The following CNGB1 variants were observed in gnomAD, a reference collection of about 807,000 sequenced individuals.
CNGB1 encodes cyclic nucleotide-gated channel beta-1.
A neutral mutation model predicts 151.7 loss-of-function variants in CNGB1; 126 were observed. The ratio of observed to expected loss-of-function variants is 0.83; its 90% CI spans 0.72 to 0.96. The LOEUF (loss-of-function observed/expected upper bound fraction) is 0.96, where lower values mean the gene tolerates loss of function less well. CNGB1 is among the 40% of genes least tolerant of loss of function. The pLI, the probability that CNGB1 is intolerant of heterozygous loss-of-function variation, is 0.00. For synonymous variants in CNGB1, 623 were observed against 635.1 expected, an observed-to-expected ratio of 0.98 and a Z score of 0.29; for missense variants, 1,698 against 1,627.0, an observed-to-expected ratio of 1.04 and a Z score of -0.75.
intron 25 of CNGB1, among the ~76,000 whole-genome samples, chr16:57,910,452 A>G (rs2149361388): frequency 6.6e-6 from 1 of 152,206 alleles, no homozygotes; most frequent in South Asian, 2.1e-4. Flanking sequence ...TCATCTCACC[A>G]CAACCTCCAC....
chr16:57,925,709 A>T (rs1961164545), intron 17 of CNGB1, among the ~76,000 whole-genome samples: 1 of 151,090 alleles, frequency 6.6e-6, no homozygotes, highest in African/African-American at 2.4e-5. Flanking sequence ...TTTTTTTGAG[A>T]TGGAGTCTCG....
At chr16:57,968,359 T>C (rs1461991933) in intron 1 of CNGB1, among the ~76,000 whole-genome samples, 1 of 152,176 alleles carries the variant, frequency 6.6e-6, no homozygotes, top group African/African-American at 2.4e-5. Context: ...TAGCTGGGCA[T>C]GGTTGCAGGC....
In CNGB1 at chr16:57,940,171, C is replaced by A. The variant is rs977984855; in HGVS notation, c.1209+63G>T. On this transcript the variant is annotated intron_variant, in intron 15 of 32. Coordinates refer to ENST00000251102, the MANE Select transcript of CNGB1 (RefSeq NM_001297.5). ...CCCCTGTAAGCAAAGTGGACAAGGTCCCCATCCTTCCACCAATGCCAAGCC... is the reference window on the plus strand; with the variant it reads ...CCCCTGTAAGCAAAGTGGACAAGGTACCCATCCTTCCACCAATGCCAAGCC... The A allele has an allele frequency of 4.8e-6, 7 of 1,452,228 alleles. No individual in the cohort carries two copies. The South Asian group carries it at 4.9e-5, about 10-fold the overall frequency. The allele number at this position is 1,452,228 out of a possible 1,614,324, so 90.0% of individuals were successfully genotyped here. A position where few individuals can be genotyped will look rare whatever the true frequency, so the allele number is the denominator to read the frequency against.
chr16:57,952,741 T>G (rs2149382803), intron 12 of CNGB1, among the ~76,000 whole-genome samples: 1 of 152,136 alleles, frequency 6.6e-6, no homozygotes, highest in Admixed American at 6.5e-5. Flanking sequence ...CCTCAGGCAA[T>G]CCACCCACCT....
intron 14 of CNGB1, among the ~76,000 whole-genome samples, chr16:57,941,009 G>T (rs561409043): frequency 5.9e-5 from 9 of 152,238 alleles, no homozygotes; most frequent in Admixed American, 3.3e-4. Context: ...ACCCCACTCC[G>T]CTGGAAAAGG....
chr16:57,956,079 C>G (rs1440879400), intron 12 of CNGB1, among the ~76,000 whole-genome samples: 1 of 152,212 alleles, frequency 6.6e-6, no homozygotes, highest in Non-Finnish European at 1.5e-5. Flanking sequence ...GAGGCCCTGG[C>G]CACAGCTGGC....
intron 14 of CNGB1, among the ~76,000 whole-genome samples, chr16:57,941,906 C>A (rs1961678146): frequency 6.6e-6 from 1 of 151,960 alleles, no homozygotes; most frequent in South Asian, 2.1e-4. Context: ...GGCTGGAGTA[C>A]AATGGCATGA....
chr16:57,935,059 A>T (rs1961470939), intron 16 of CNGB1, among the ~76,000 whole-genome samples: 1 of 151,930 alleles, frequency 6.6e-6, no homozygotes, highest in Non-Finnish European at 1.5e-5. Context: ...AAAAAAAAAA[A>T]AAAGTTACAC....
chr16:57,939,384 C>A, intron 16 of CNGB1, 46 bp downstream of exon 16: 2 of 1,613,126 alleles, frequency 1.2e-6, no homozygotes, highest in African/African-American at 1.3e-5. Flanking sequence ...CCTAAAAGGA[C>A]CTCAGACATT....
In CNGB1 at chr16:57,943,123, A is replaced by G. The variant is rs147320190; in HGVS notation, c.1122-2802T>C. On this transcript the variant is annotated intron_variant, in intron 14 of 32. Coordinates refer to ENST00000251102, the MANE Select transcript of CNGB1 (RefSeq NM_001297.5). The stretch of plus-strand genomic sequence containing the variant: ...AACACCCTACAGAACGGGAGAAAAT[A>G]CTTGCAAACCGTAAGTCAAATAAGG... Among the ~76,000 whole-genome samples, 366 of 152,288 alleles carry G rather than the reference A, an allele frequency of 2.4e-3. 1 individual carries two copies. The highest frequency in any genetic ancestry group is 8.3e-3 in the African/African-American group (345 of 41,556).
intron 2 of CNGB1, among the ~76,000 whole-genome samples, chr16:57,965,655 T>C (rs150534088): frequency 1.6e-5 from 1 of 61,708 alleles, no homozygotes; most frequent in South Asian, 4.9e-4. Flanking sequence ...AATATGTGTA[T>C]ATACACATTC....
chr16:57,947,141 G>A (rs1311378397), intron 14 of CNGB1, among the ~76,000 whole-genome samples: 2 of 152,124 alleles, frequency 1.3e-5, no homozygotes, highest in Admixed American at 6.5e-5. Flanking sequence ...GTGTGCTGGT[G>A]CATATGGGTA....
chr16:57,970,353 C>T (rs979869588), intron 1 of CNGB1, among the ~76,000 whole-genome samples: 3 of 152,142 alleles, frequency 2.0e-5, no homozygotes, highest in African/African-American at 7.2e-5. Context: ...TACTCATCCT[C>T]GCTCTCACCA....
At chr16:57,904,973 C>T in intron 25 of CNGB1, 98 bp from the exon 26 acceptor site, 8 of 1,478,018 alleles carry the variant, frequency 5.4e-6, no homozygotes, top group Non-Finnish European at 7.5e-6. Context: ...GCATGTTGTG[C>T]AAAAGACAGA....
chr16:57,898,806 C>T (rs535856974), intron 29 of CNGB1, among the ~76,000 whole-genome samples: 5 of 152,308 alleles, frequency 3.3e-5, no homozygotes, highest in Admixed American at 6.5e-5. Flanking sequence ...TGAACCCAGA[C>T]AGTCTGGTTC....
intron 7 of CNGB1, 72 bp downstream of exon 7, chr16:57,962,493 T>C: frequency 7.2e-7 from 1 of 1,379,966 alleles, no homozygotes; most frequent in Non-Finnish European, 1.0e-6. Flanking sequence ...CAGACCCTGC[T>C]CCTGAAACCA....
chr16:57,890,350 C>T (rs1427521516), intron 31 of CNGB1, among the ~76,000 whole-genome samples: 4 of 152,212 alleles, frequency 2.6e-5, no homozygotes, highest in African/African-American at 7.2e-5. Flanking sequence ...GCCTCTGACA[C>T]GCGCCAGCTC....
intron 17 of CNGB1, among the ~76,000 whole-genome samples, chr16:57,924,871 G>A (rs1961143296): frequency 6.6e-6 from 1 of 152,166 alleles, no homozygotes; most frequent in South Asian, 2.1e-4. Context: ...CCATGTGAGA[G>A]CCTGTTTCTT....
chr16:57,923,306 G>T lies in CNGB1; in HGVS notation c.1610C>A (p.Ala537Asp). Residue 537 changes from alanine to aspartate, a missense_variant, in exon 18 of 33, where the codon GCC (alanine) becomes GAC (aspartate). By Grantham distance (126) the Ala-to-Asp change is moderately radical. Coordinates refer to ENST00000251102, the MANE Select transcript of CNGB1 (RefSeq NM_001297.5). ...ALSPAESPVV[A>D]WSDPTTPKDT... ...CTTCGGGGTGGTGGGGTCAGACCAG[G>T]CAACCACTGGGGACTCTGCTGGTGA... The T allele has an allele frequency of 1.2e-6, 2 of 1,612,098 alleles. No homozygotes were observed. The highest frequency in any genetic ancestry group is 2.7e-5 in the African/African-American group (2 of 74,996).
Sources: gnomAD v4.1 joint callset for allele counts (sites outside exome capture counted in the v4.1 genomes callset) on GRCh38, gnomAD v4.1.1 for gene constraint, MANE v1.5 for transcripts, NCBI Gene and HGNC (gene_info 2026-07-23, HGNC 2026-07-21) for gene names.